Variants in FSHR observed in about 807,000 individuals in gnomAD.
FSHR encodes the protein follicle stimulating hormone receptor.
Under a neutral mutation model 52.1 loss-of-function variants are expected in FSHR, and 46 were observed. The ratio of observed to expected loss-of-function variants is 0.88; its 90% CI spans 0.70 to 1.13. FSHR has a LOEUF of 1.13. Ranked by LOEUF, FSHR falls within the 50% of genes most tolerant of loss-of-function variation. The pLI is 0.00. For synonymous variants in FSHR, 399 were observed against 309.6 expected (o/e 1.29, Z -3.03); for missense variants, 964 against 834.6 (o/e 1.16, Z -1.91).
intron 1 of FSHR, among the ~76,000 whole-genome samples, chr2:49,120,008 A>G (rs932891428): frequency 1.3e-5 from 2 of 152,158 alleles, no homozygotes; most frequent in African/African-American, 4.8e-5. Flanking sequence ...CGTGGCTCAC[A>G]CCTGTAATCC....
chr2:49,114,185 C>T (rs1030616145), intron 1 of FSHR, among the ~76,000 whole-genome samples: 21 of 152,176 alleles, frequency 1.4e-4, no homozygotes, highest in Non-Finnish European at 2.9e-5. Context: ...GGCACCCCAG[C>T]ATCACCACAT....
chr2:49,091,900 C>T (rs1412525670), intron 1 of FSHR, among the ~76,000 whole-genome samples: 1 of 152,164 alleles, frequency 6.6e-6, no homozygotes, highest in Non-Finnish European at 1.5e-5. Context: ...ATCAGCTAAT[C>T]TGTATCTACA....
chr2:49,112,412 G>A (rs187778758), intron 1 of FSHR, among the ~76,000 whole-genome samples: 60 of 152,242 alleles, frequency 3.9e-4, no homozygotes, highest in Non-Finnish European at 1.6e-4. Context: ...GGAGGATTTG[G>A]GGAAAGTTGG....
At chr2:49,076,119 A>C (rs1669941221) in intron 1 of FSHR, among the ~76,000 whole-genome samples, 1 of 152,236 alleles carries the variant, frequency 6.6e-6, no homozygotes, top group Admixed American at 6.5e-5. Context: ...TGTTAGAAGT[A>C]AATTCCACCC....
intron 1 of FSHR, among the ~76,000 whole-genome samples, chr2:49,098,764 A>T (rs1283352605): frequency 6.8e-6 from 1 of 146,944 alleles, no homozygotes; most frequent in East Asian, 1.9e-4. Context: ...ATATAATAAT[A>T]TGTATTTATA....
chr2:49,143,188 G>A (rs948014097), intron 1 of FSHR, among the ~76,000 whole-genome samples: 1 of 152,196 alleles, frequency 6.6e-6, no homozygotes, highest in Non-Finnish European at 1.5e-5. Context: ...AGAAGCAATA[G>A]AGAAGTCAGC....
chr2:49,113,555 CT>C lies in FSHR; in HGVS notation c.152+40710del, dbSNP rs144646679. Among the ~76,000 whole-genome samples the C allele has an allele frequency of 9.0e-3, 1,367 of 152,272 alleles. 23 individuals carry two copies. Among genetic ancestry groups the C allele is most frequent in the African/African-American group, 0.031 (1,280 of 41,556 alleles). On this transcript the variant is annotated intron_variant, in intron 1 of 9. Transcript: ENST00000406846. ...GATTTAAATAAAAAACCATTCAAAT[CT>C]TTTTTGTTTTTGTTTTTTCTTTTGC...
At chr2:48,980,944 C>T (rs1181325364) in intron 8 of FSHR, among the ~76,000 whole-genome samples, 1 of 152,184 alleles carries the variant, frequency 6.6e-6, no homozygotes, top group Non-Finnish European at 1.5e-5. Flanking sequence ...ACACACCCAT[C>T]ACTGACATAT....
At chr2:49,092,326 A>G (rs1380793991) in intron 1 of FSHR, among the ~76,000 whole-genome samples, 1 of 152,120 alleles carries the variant, frequency 6.6e-6, no homozygotes, top group Non-Finnish European at 1.5e-5. Context: ...AACAGAGACA[A>G]TTTTGTTCCT....
intron 2 of FSHR, among the ~76,000 whole-genome samples, chr2:49,031,916 T>C (rs1668114263): frequency 6.6e-6 from 1 of 152,220 alleles, no homozygotes; most frequent in African/African-American, 2.4e-5. Context: ...GTTATTATTT[T>C]CTACTAGAGT....
intron 1 of FSHR, among the ~76,000 whole-genome samples, chr2:49,115,217 G>T (rs567890571): frequency 6.6e-6 from 1 of 151,504 alleles, no homozygotes. Context: ...GAGAGAGATT[G>T]TCGCATTTGG....
At chr2:49,141,745 G>A (rs1672695272) in intron 1 of FSHR, among the ~76,000 whole-genome samples, 1 of 151,812 alleles carries the variant, frequency 6.6e-6, no homozygotes, top group Non-Finnish European at 1.5e-5. Context: ...GATGAGTCCA[G>A]CATTTTACAT....
intron 6 of FSHR, among the ~76,000 whole-genome samples, chr2:48,984,693 T>C (rs754461167): frequency 2.0e-5 from 3 of 152,130 alleles, no homozygotes; most frequent in Non-Finnish European, 4.4e-5. Flanking sequence ...TCTTAGCTCA[T>C]GAGCTGGATT....
chr2:49,116,840 T>C (rs1671616194), intron 1 of FSHR, among the ~76,000 whole-genome samples: 2 of 152,216 alleles, frequency 1.3e-5, no homozygotes, highest in African/African-American at 4.8e-5. Context: ...TGGTCTCTTT[T>C]CCCAACATTC....
At chr2:49,023,370 AG>A (rs1667807469) in intron 2 of FSHR, among the ~76,000 whole-genome samples, 1 of 152,192 alleles carries the variant, frequency 6.6e-6, no homozygotes, top group South Asian at 2.1e-4. Flanking sequence ...AATGGATCAA[AG>A]GGTAGACTAA....
At chr2:49,021,857 C>A (rs867854432) in intron 2 of FSHR, among the ~76,000 whole-genome samples, 598 of 37,498 alleles carry the variant, frequency 0.016, 1 homozygote, top group East Asian at 0.032. Context: ...CTCTCTCTCT[C>A]TCTCTCTATA....
intron 3 of FSHR, among the ~76,000 whole-genome samples, chr2:49,019,321 T>C (rs1667610380): frequency 6.6e-6 from 1 of 152,216 alleles, no homozygotes. Context: ...CCCTGAGTTT[T>C]TAGTGATACA....
intron 8 of FSHR, among the ~76,000 whole-genome samples, chr2:48,973,266 A>ACGCACACG (rs1553429065): frequency 2.0e-5 from 3 of 151,016 alleles, no homozygotes; most frequent in Non-Finnish European, 4.4e-5. Flanking sequence ...ACACACACAC[A>ACGCACACG]CACATGCACA....
In FSHR at chr2:49,062,690, A is replaced by C. The variant is rs116549594; in HGVS notation, c.224+5529T>G. On this transcript the variant is annotated intron_variant, in intron 2 of 9. Transcript: ENST00000406846. ...AAAGGATTAGTATCCAGAATATACA[A>C]GGAATTCAAACAACTCAACAGCAAA... 3.5e-3 allele frequency among the ~76,000 whole-genome samples: 537 copies of C among 152,280 alleles called. 3 individuals are homozygous for C. Among genetic ancestry groups the C allele is most frequent in the African/African-American group, 0.013 (523 of 41,568 alleles).
Sources: gnomAD v4.1 joint callset for allele counts (sites outside exome capture counted in the v4.1 genomes callset) on GRCh38, gnomAD v4.1.1 for gene constraint, MANE v1.5 for transcripts, NCBI Gene and HGNC (gene_info 2026-07-23, HGNC 2026-07-21) for gene names.